Variants in EGFLAM observed in about 807,000 individuals in gnomAD.
The protein encoded by EGFLAM is pikachurin.
Under a neutral mutation model 113.1 loss-of-function variants are expected in EGFLAM, and 79 were observed. The ratio of observed to expected loss-of-function variants is 0.70; its 90% confidence interval spans 0.58 to 0.84. EGFLAM has a LOEUF of 0.84. EGFLAM is among the 40% of genes least tolerant of loss of function. EGFLAM has a pLI of 0.00. For synonymous variants in EGFLAM, 504 were observed against 487.6 expected, an observed-to-expected ratio of 1.03 and a Z score of -0.44; for missense variants, 1,265 against 1,291.6, an observed-to-expected ratio of 0.98 and a Z score of 0.32.
chr5:38,269,178 T>TCAAGAG (rs1757705044), intron 1 of EGFLAM, among the ~76,000 whole-genome samples: 1 of 151,948 alleles, frequency 6.6e-6, no homozygotes, highest in African/African-American at 2.4e-5. Flanking sequence ...AGACCCTGCA[T>TCAAGAG]CAACAGCAAC....
intron 1 of EGFLAM, among the ~76,000 whole-genome samples, chr5:38,278,629 C>T (rs1050626979): frequency 1.3e-5 from 2 of 152,030 alleles, no homozygotes; most frequent in African/African-American, 4.8e-5. Flanking sequence ...GCTGGGATTA[C>T]AGGTGCATAC....
intron 1 of EGFLAM, among the ~76,000 whole-genome samples, chr5:38,308,318 C>T (rs1178935914): frequency 2.6e-5 from 4 of 152,228 alleles, no homozygotes. Flanking sequence ...GGCCACTTGT[C>T]AATGTCCTTA....
chr5:38,394,711 C>CATT (rs748823791), intron 6 of EGFLAM, among the ~76,000 whole-genome samples: 1 of 121,724 alleles, frequency 8.2e-6, no homozygotes, highest in Non-Finnish European at 1.6e-5. Flanking sequence ...GCCGGGCCCA[C>CATT]TTTTTTTTTT....
intron 5 of EGFLAM, among the ~76,000 whole-genome samples, chr5:38,358,965 A>G (rs1266424798): frequency 6.6e-6 from 1 of 152,182 alleles, no homozygotes; most frequent in Non-Finnish European, 1.5e-5. Context: ...CTAAAGTGAC[A>G]CTAAAAATTT....
chr5:38,309,826 C>T (rs1005182764), intron 1 of EGFLAM, among the ~76,000 whole-genome samples: 2 of 152,194 alleles, frequency 1.3e-5, no homozygotes, highest in African/African-American at 4.8e-5. Flanking sequence ...CACTTCAGGA[C>T]AGTAAATTTA....
chr5:38,436,016 C>G (rs1197940212), intron 16 of EGFLAM, among the ~76,000 whole-genome samples: 2 of 151,994 alleles, frequency 1.3e-5, no homozygotes, highest in African/African-American at 4.8e-5. Flanking sequence ...CAGGGTTTCA[C>G]CATGTTGGCC....
chr5:38,332,199 A>G (rs1414374370), intron 1 of EGFLAM, among the ~76,000 whole-genome samples: 1 of 152,058 alleles, frequency 6.6e-6, no homozygotes, highest in African/African-American at 2.4e-5. Flanking sequence ...GCATGTTTTC[A>G]TATGCTTACT....
At chr5:38,386,399 G>T (rs1317288588) in intron 6 of EGFLAM, among the ~76,000 whole-genome samples, 1 of 152,184 alleles carries the variant, frequency 6.6e-6, no homozygotes, top group Admixed American at 6.5e-5. Flanking sequence ...CACCATGTTG[G>T]TCAGACTAGT....
intron 6 of EGFLAM, 71 bp from the exon 7 acceptor site, chr5:38,406,055 C>G (rs1220157956): frequency 1.7e-6 from 2 of 1,207,034 alleles, no homozygotes; most frequent in South Asian, 2.4e-5. Flanking sequence ...CTGCCTGTGG[C>G]TGAGTTAGGC....
intron 6 of EGFLAM, among the ~76,000 whole-genome samples, chr5:38,388,040 T>A (rs1740710421): frequency 2.0e-5 from 3 of 152,212 alleles, no homozygotes; most frequent in Admixed American, 2.0e-4. Context: ...GAAGCCTGTC[T>A]ACCAGAGCCA....
chr5:38,321,110 C>T (rs1001240291), intron 1 of EGFLAM, among the ~76,000 whole-genome samples: 2 of 152,048 alleles, frequency 1.3e-5, no homozygotes, highest in Admixed American at 1.3e-4. Flanking sequence ...ATACAACTTA[C>T]CATAGTGTAG....
At chr5:38,436,683 C>A (rs1167630097) in intron 16 of EGFLAM, among the ~76,000 whole-genome samples, 1 of 152,212 alleles carries the variant, frequency 6.6e-6, no homozygotes, top group African/African-American at 2.4e-5. Flanking sequence ...ACAACCCTCT[C>A]CCTATCTCCT....
At chr5:38,395,594 T>C (rs1251022966) in intron 6 of EGFLAM, among the ~76,000 whole-genome samples, 1 of 152,128 alleles carries the variant, frequency 6.6e-6, no homozygotes, top group Non-Finnish European at 1.5e-5. Context: ...AATTGAACCA[T>C]GGTTGGTACT....
intron 12 of EGFLAM, among the ~76,000 whole-genome samples, chr5:38,424,068 C>T (rs1185592105): frequency 3.3e-5 from 5 of 152,136 alleles, no homozygotes; most frequent in African/African-American, 1.2e-4. Flanking sequence ...GCCCTTCTAC[C>T]TCCACCCCCA....
intron 5 of EGFLAM, among the ~76,000 whole-genome samples, chr5:38,354,523 G>T (rs1301901979): frequency 6.6e-6 from 1 of 152,208 alleles, no homozygotes; most frequent in African/African-American, 2.4e-5. Flanking sequence ...GAGGTCAGGA[G>T]TTCGAGACCA....
intron 3 of EGFLAM, among the ~76,000 whole-genome samples, chr5:38,341,464 CCA>C (rs1164910561): frequency 2.0e-5 from 3 of 152,204 alleles, no homozygotes; most frequent in African/African-American, 7.2e-5. Flanking sequence ...TCAATTACCT[CCA>C]GCTGGTCCCA....
intron 5 of EGFLAM, among the ~76,000 whole-genome samples, chr5:38,360,624 A>G (rs1739894532): frequency 6.6e-6 from 1 of 152,136 alleles, no homozygotes; most frequent in African/African-American, 2.4e-5. Context: ...AGACAACAGA[A>G]TGGGGATAAT....
rs11953453 is a variant in EGFLAM, at chr5:38,297,060, C to G, written c.97+38209C>G. Among the ~76,000 whole-genome samples the G allele has an allele frequency of 6.0e-3, 906 of 152,094 alleles. 11 individuals carry two copies. Among genetic ancestry groups the G allele is most frequent in the African/African-American group, 0.021 (865 of 41,484 alleles). On this transcript the variant is annotated intron_variant, in intron 1 of 21. Coordinates refer to ENST00000322350, the MANE Select transcript of EGFLAM (RefSeq NM_152403.4). Reference sequence around the variant, plus strand: ...GAAAAATTTAGGAATTGTTACAGATCGGGGGAGATTAAGAATCATAACAGC... The same window carrying G: ...GAAAAATTTAGGAATTGTTACAGATGGGGGGAGATTAAGAATCATAACAGC...
intron 1 of EGFLAM, among the ~76,000 whole-genome samples, chr5:38,304,099 A>G (rs141100226): frequency 0.014 from 2,136 of 151,120 alleles, 42 homozygotes; most frequent in African/African-American, 0.048. Context: ...ATTGCGCTCC[A>G]GCCTGGGCAA....
Sources: allele counts gnomAD v4.1 joint callset (sites outside exome capture counted in the v4.1 genomes callset), GRCh38; gene constraint gnomAD v4.1.1; transcripts MANE v1.5; gene names NCBI Gene and HGNC (gene_info 2026-07-23, HGNC 2026-07-21).